The following IQCK variants were observed in gnomAD, a reference collection of about 807,000 sequenced individuals.
The protein encoded by IQCK is IQ motif containing K.
In IQCK, 29 loss-of-function variants were observed where a neutral mutation model predicts 28.1. The ratio of observed to expected loss-of-function variants is 1.03; its 90% confidence interval spans 0.77 to 1.41. The LOEUF is 1.41. Among genes scored for constraint, IQCK ranks in the 40% most tolerant of loss-of-function variants. The pLI is 0.00. For synonymous variants in IQCK, 113 were observed against 115.1 expected (o/e 0.98, Z 0.12); for missense variants, 359 against 314.7 (o/e 1.14, Z -1.07).
intron 1 of IQCK, among the ~76,000 whole-genome samples, chr16:19,727,791 C>T (rs1341577893): frequency 4.0e-5 from 6 of 151,886 alleles, no homozygotes; most frequent in African/African-American, 1.5e-4. Flanking sequence ...TAAACAATTC[C>T]ACACTATAGC....
intron 7 of IQCK, among the ~76,000 whole-genome samples, chr16:19,821,706 A>C (rs2056073983): frequency 6.6e-6 from 1 of 152,226 alleles, no homozygotes; most frequent in South Asian, 2.1e-4. Context: ...TAAATAAATA[A>C]ACAAACAAAA....
chr16:19,845,307 G>T (rs556604085), intron 9 of IQCK, among the ~76,000 whole-genome samples: 3 of 152,340 alleles, frequency 2.0e-5, no homozygotes, highest in Admixed American at 2.0e-4. Flanking sequence ...GTTCTTAAAG[G>T]CAGCATATAA....
At chr16:19,793,643 GTTTTTTTT>G (rs1285541664) in intron 7 of IQCK, among the ~76,000 whole-genome samples, 18 of 61,802 alleles carry the variant, frequency 2.9e-4, no homozygotes, top group Admixed American at 8.3e-4. Flanking sequence ...TCTCAGTTGG[GTTTTTTTT>G]TTTTTTTTTT....
downstream of IQCK, among the ~76,000 whole-genome samples, chr16:19,831,624 A>C (rs545249437): frequency 1.3e-5 from 2 of 151,940 alleles, no homozygotes; most frequent in East Asian, 3.9e-4. Flanking sequence ...AAAATAGTGG[A>C]GTGATTGCAA....
intron 4 of IQCK, among the ~76,000 whole-genome samples, chr16:19,759,953 C>T (rs1482195240): frequency 6.6e-6 from 1 of 151,906 alleles, no homozygotes; most frequent in East Asian, 1.9e-4. Flanking sequence ...AGTGAGACCC[C>T]GTCTCTACAG....
chr16:19,844,689 G>A (rs190993998), intron 9 of IQCK, among the ~76,000 whole-genome samples: 118 of 152,256 alleles, frequency 7.8e-4, no homozygotes, highest in Admixed American at 2.4e-3. Context: ...AAAGAACGCC[G>A]GTTGAAACTC....
chr16:19,822,072 AAAAAAAAAAAAC>A (rs1420846875), intron 7 of IQCK, among the ~76,000 whole-genome samples: 2,288 of 146,740 alleles, frequency 0.016, 38 homozygotes, highest in African/African-American at 0.052. Flanking sequence ...TGTCTCAAAA[AAAAAAAAAAAAC>A]AAAAAAAAAA....
At chr16:19,829,127 T>A (rs967699052), downstream of IQCK, among the ~76,000 whole-genome samples, 1 of 151,056 alleles carries the variant, frequency 6.6e-6, no homozygotes, top group Admixed American at 6.6e-5. Context: ...ATCTTTTAGA[T>A]AAGCATATAG....
intron 4 of IQCK, among the ~76,000 whole-genome samples, chr16:19,739,036 A>G (rs760223483): frequency 5.9e-5 from 9 of 152,126 alleles, no homozygotes; most frequent in Non-Finnish European, 1.3e-4. Flanking sequence ...GATCCTGAAC[A>G]ATTCAGCTGT....
intron 9 of IQCK, among the ~76,000 whole-genome samples, chr16:19,854,718 A>G (rs748598446): frequency 2.6e-4 from 39 of 152,148 alleles, no homozygotes; most frequent in African/African-American, 4.6e-4. Flanking sequence ...CTGGCTTCCA[A>G]TAGGCTATGG....
At chr16:19,745,072 C>T (rs1309469148) in intron 4 of IQCK, among the ~76,000 whole-genome samples, 1 of 152,014 alleles carries the variant, frequency 6.6e-6, no homozygotes, top group Non-Finnish European at 1.5e-5. Flanking sequence ...TTTAATATTC[C>T]AATATTTTGG....
At chr16:19,783,206 C>G (rs1223955698) in intron 6 of IQCK, among the ~76,000 whole-genome samples, 1 of 152,076 alleles carries the variant, frequency 6.6e-6, no homozygotes, top group Non-Finnish European at 1.5e-5. Flanking sequence ...ACCATATTGG[C>G]CAGGCTGGTC....
chr16:19,756,875 C>T (rs1399705956), intron 4 of IQCK, among the ~76,000 whole-genome samples: 3 of 129,200 alleles, frequency 2.3e-5, no homozygotes, highest in African/African-American at 9.3e-5. Flanking sequence ...CCAGCCTGGA[C>T]AACAGAGCAA....
intron 4 of IQCK, among the ~76,000 whole-genome samples, chr16:19,750,594 T>C (rs2054973143): frequency 6.6e-6 from 1 of 151,682 alleles, no homozygotes; most frequent in South Asian, 2.1e-4. Flanking sequence ...CCCCAGTAGC[T>C]GGGGCTATAG....
At chr16:19,827,788 C>T (rs187991889), downstream of IQCK, among the ~76,000 whole-genome samples, 146 of 152,276 alleles carry the variant, frequency 9.6e-4, no homozygotes, top group African/African-American at 3.5e-3. Context: ...CTTGGTGCTC[C>T]TGGCTCGCAG....
At chr16:19,729,745 C>T (rs993151532) in intron 1 of IQCK, among the ~76,000 whole-genome samples, 5 of 149,960 alleles carry the variant, frequency 3.3e-5, no homozygotes, top group African/African-American at 4.9e-5. Context: ...CCCGGGTTCA[C>T]GCCATTCTCC....
chr16:19,842,546 C>CA (rs2056373454), intron 9 of IQCK, among the ~76,000 whole-genome samples: 2 of 152,134 alleles, frequency 1.3e-5, no homozygotes, highest in African/African-American at 4.8e-5. Flanking sequence ...GGGTCAAAAT[C>CA]CATTAAATCC....
exon 1 of IQCK, chr16:19,718,355 A>G: frequency 6.2e-7 from 1 of 1,610,376 alleles, no homozygotes; most frequent in Admixed American, 1.7e-5. Context: ...CCTCAAGCCC[A>G]GCTGCTCTAC....
rs568500144 is a variant in IQCK, at chr16:19,810,147, T to C, written c.691-16879T>C. On this transcript the variant is annotated intron_variant, in intron 7 of 7. Transcript: ENST00000564186. ...GTAGGTTCAAGTGCTGGCTACAGTA[T>C]GCACAAGTTTAGGCAAGTTATTCTA... Among the ~76,000 whole-genome samples, 101 of 152,246 alleles carry C rather than the reference T, an allele frequency of 6.6e-4. 1 individual carries two copies. Among genetic ancestry groups the C allele is most frequent in the South Asian group, 6.6e-3 (32 of 4,824 alleles).
Sources: gnomAD v4.1 joint callset for allele counts (sites outside exome capture counted in the v4.1 genomes callset) on GRCh38, gnomAD v4.1.1 for gene constraint, MANE v1.5 for transcripts, NCBI Gene and HGNC (gene_info 2026-07-23, HGNC 2026-07-21) for gene names.